Variants in SLC25A48 observed in about 807,000 individuals in gnomAD.
The protein encoded by SLC25A48 is solute carrier family 25 member 48.
Under a neutral mutation model 32.2 loss-of-function variants are expected in SLC25A48, and 29 were observed. That is an observed-to-expected ratio of 0.90 (90% CI 0.67 to 1.23). The LOEUF (loss-of-function observed/expected upper bound fraction) is 1.23, where lower values mean the gene tolerates loss of function less well. Ranked by LOEUF, SLC25A48 falls within the 50% of genes most tolerant of loss-of-function variation. The probability of loss-of-function intolerance (pLI) is 0.00; values close to 1 mark genes in which losing one functional copy is unlikely to be tolerated. For missense variants in SLC25A48, 399 were observed against 422.7 expected (o/e 0.94, Z 0.49); for synonymous variants, 164 against 172.3 (o/e 0.95, Z 0.38).
intron 3 of SLC25A48, among the ~76,000 whole-genome samples, chr5:135,808,534 A>C (rs1384165589): frequency 6.6e-6 from 1 of 151,968 alleles, no homozygotes; most frequent in Non-Finnish European, 1.5e-5. Context: ...AATCTTTTTC[A>C]TCCATCTCTT....
rs935626633 is a variant in SLC25A48, at chr5:135,888,486, C to T, written c.*462C>T. The T allele has an allele frequency of 5.4e-6, 1 of 183,532 alleles. No individual in the cohort carries two copies. 11.4% of individuals were successfully genotyped at this position (183,532 alleles called of 1,614,324 possible). On this transcript the variant is annotated 3_prime_UTR_variant, in exon 8 of 8. Coordinates refer to ENST00000681962, the MANE Select transcript of SLC25A48 (RefSeq NM_001349336.2). ...CCAGGTTTTTCCCCGCTCCTGCACC[C>T]GTGGATCCTGAGGACAGCGGTAGCG...
At chr5:135,701,069 C>G (rs1305334835) in intron 3 of SLC25A48, among the ~76,000 whole-genome samples, 2 of 152,186 alleles carry the variant, frequency 1.3e-5, no homozygotes, top group Non-Finnish European at 2.9e-5. Flanking sequence ...ACCTGCAGCT[C>G]TCCCCACTCC....
intron 2 of SLC25A48, 50 bp from the exon 3 acceptor site, chr5:135,850,375 G>C (rs575620223): frequency 6.3e-7 from 1 of 1,577,798 alleles, no homozygotes; most frequent in Non-Finnish European, 8.7e-7. Flanking sequence ...CGGAGCAGTG[G>C]GGCTATGAAT....
intron 4 of SLC25A48, among the ~76,000 whole-genome samples, chr5:135,857,012 C>T (rs1760379886): frequency 6.6e-6 from 1 of 152,234 alleles, no homozygotes; most frequent in Non-Finnish European, 1.5e-5. Context: ...TACCACCTGG[C>T]ACCTTGTCCC....
At chr5:135,769,817 C>T (rs1756354947) in intron 3 of SLC25A48, among the ~76,000 whole-genome samples, 1 of 151,302 alleles carries the variant, frequency 6.6e-6, no homozygotes, top group Non-Finnish European at 1.5e-5. Flanking sequence ...CCCAACATCG[C>T]AGGGAGTTTA....
chr5:135,622,368 G>C (rs1752344922), intron 1 of SLC25A48, among the ~76,000 whole-genome samples: 1 of 152,184 alleles, frequency 6.6e-6, no homozygotes, highest in African/African-American at 2.4e-5. Flanking sequence ...TTATATACCT[G>C]TGCAGATATT....
At position 135,888,085 on chromosome 5, in the gene SLC25A48, A is replaced by G. The variant is rs73791626; in HGVS notation, c.*61A>G. 6,378 of 1,551,114 alleles carry G rather than the reference A, an allele frequency of 4.1e-3. 214 individuals are homozygous for G. The African/African-American group carries it at 0.073, about 18-fold the overall frequency. ...CCCTGGGCCTCATCTCTGCATGTGA[A>G]GCCCTGAGAGCTGCAGATGTTTGGC... is the stretch of plus-strand genomic sequence containing the variant. On this transcript the variant is annotated 3_prime_UTR_variant, in exon 8 of 8. Transcript: ENST00000681962.
chr5:135,708,678 G>C (rs77824798), intron 3 of SLC25A48, among the ~76,000 whole-genome samples: 3,490 of 152,298 alleles, frequency 0.023, 54 homozygotes, highest in Non-Finnish European at 0.031. Context: ...CCCAGAGACT[G>C]GGGTAAGGGC....
chr5:135,764,711 G>A (rs1756160557), intron 3 of SLC25A48, among the ~76,000 whole-genome samples: 1 of 147,644 alleles, frequency 6.8e-6, no homozygotes, highest in African/African-American at 2.5e-5. Flanking sequence ...ATATCTGGGG[G>A]GGAGAGTGAT....
At chr5:135,850,150 T>C (rs1268252022) in intron 2 of SLC25A48, among the ~76,000 whole-genome samples, 1 of 152,158 alleles carries the variant, frequency 6.6e-6, no homozygotes, top group African/African-American at 2.4e-5. Flanking sequence ...GTTTTTGTAC[T>C]CAAGAGGTGG....
chr5:135,767,980 C>A (rs1440733390), intron 3 of SLC25A48, among the ~76,000 whole-genome samples: 1 of 145,988 alleles, frequency 6.8e-6, no homozygotes, highest in Non-Finnish European at 1.5e-5. Context: ...GATAATATTA[C>A]TCCCAATATC....
At chr5:135,881,967 G>T (rs1260271827) in intron 7 of SLC25A48, among the ~76,000 whole-genome samples, 1 of 152,198 alleles carries the variant, frequency 6.6e-6, no homozygotes, top group African/African-American at 2.4e-5. Context: ...CTGGATGCCT[G>T]CCCAACCTGT....
At chr5:135,607,898 A>G (rs1397134358) in intron 1 of SLC25A48, among the ~76,000 whole-genome samples, 1 of 152,220 alleles carries the variant, frequency 6.6e-6, no homozygotes, top group South Asian at 2.1e-4. Context: ...CACTTCTGCC[A>G]CTAACTTCTG....
chr5:135,673,631 T>C (rs749471419), intron 3 of SLC25A48, among the ~76,000 whole-genome samples: 4 of 152,164 alleles, frequency 2.6e-5, no homozygotes, highest in Non-Finnish European at 2.9e-5. Context: ...CTTTGTCAGA[T>C]GTTTTGCAAT....
intron 1 of SLC25A48, among the ~76,000 whole-genome samples, chr5:135,604,036 G>T (rs1751869977): frequency 6.6e-6 from 1 of 152,166 alleles, no homozygotes; most frequent in Non-Finnish European, 1.5e-5. Context: ...GCCCTTGCTG[G>T]GTGCTAAATT....
intron 3 of SLC25A48, among the ~76,000 whole-genome samples, chr5:135,662,973 C>T (rs1418796259): frequency 6.6e-6 from 1 of 152,168 alleles, no homozygotes; most frequent in East Asian, 1.9e-4. Flanking sequence ...GCCTGGTGCC[C>T]TGTGCCCAGG....
chr5:135,638,101 T>C (rs528296329), intron 3 of SLC25A48, among the ~76,000 whole-genome samples: 12 of 152,352 alleles, frequency 7.9e-5, no homozygotes, highest in African/African-American at 2.9e-4. Context: ...GTCTTAGCTA[T>C]TAACATATTC....
intron 3 of SLC25A48, among the ~76,000 whole-genome samples, chr5:135,688,970 AAC>A (rs1561791546): frequency 6.6e-6 from 1 of 152,250 alleles, no homozygotes; most frequent in African/African-American, 2.4e-5. Context: ...GCATCCTCAC[AAC>A]AGTCTTATAA....
intron 3 of SLC25A48, among the ~76,000 whole-genome samples, chr5:135,788,689 CA>C (rs1177565998): frequency 6.7e-6 from 1 of 149,750 alleles, no homozygotes; most frequent in Non-Finnish European, 1.5e-5. Context: ...CTCTAATATC[CA>C]GGGGGGGAAG....
Sources: allele counts gnomAD v4.1 joint callset (sites outside exome capture counted in the v4.1 genomes callset), GRCh38; gene constraint gnomAD v4.1.1; transcripts MANE v1.5; gene names NCBI Gene and HGNC (gene_info 2026-07-23, HGNC 2026-07-21).